Variants in CSMD1 observed in about 807,000 individuals in gnomAD.
CSMD1 encodes the protein CUB and Sushi multiple domains 1, also known as CUB and sushi domain-containing protein 1.
CSMD1 carries 213 observed loss-of-function variants against 417.5 expected under a neutral mutation model. The ratio of observed to expected loss-of-function variants is 0.51; its 90% confidence interval spans 0.46 to 0.57. CSMD1 has a LOEUF of 0.57. CSMD1 is among the 20% of genes least tolerant of loss of function. The probability of loss-of-function intolerance (pLI) is 0.00; values close to 1 mark genes in which losing one functional copy is unlikely to be tolerated. For synonymous variants in CSMD1, 2,862 were observed against 1,736.8 expected, an observed-to-expected ratio of 1.65 and a Z score of -16.11; for missense variants, 6,923 against 4,529.7, an observed-to-expected ratio of 1.53 and a Z score of -15.17.
At chr8:4,242,172 G>T (rs1033187472) in intron 3 of CSMD1, among the ~76,000 whole-genome samples, 6 of 152,086 alleles carry the variant, frequency 3.9e-5, no homozygotes, top group Non-Finnish European at 8.8e-5. Flanking sequence ...ATCCTTCTCA[G>T]AATGGTATAT....
chr8:3,628,330 C>T (rs1312126123), intron 7 of CSMD1, among the ~76,000 whole-genome samples: 3 of 152,172 alleles, frequency 2.0e-5, no homozygotes, highest in Non-Finnish European at 4.4e-5. Flanking sequence ...AACCATCCTG[C>T]CTGCCCACAC....
chr8:4,092,462 T>C (rs1800771362), intron 3 of CSMD1, among the ~76,000 whole-genome samples: 1 of 152,220 alleles, frequency 6.6e-6, no homozygotes, highest in Non-Finnish European at 1.5e-5. Context: ...GACACTCTTA[T>C]CTTTGGTAAA....
chr8:3,600,252 T>G (rs147992964), intron 8 of CSMD1, among the ~76,000 whole-genome samples: 8 of 152,300 alleles, frequency 5.3e-5, no homozygotes, highest in African/African-American at 1.9e-4. Flanking sequence ...TTAGTATAAA[T>G]AGGAAGCTTA....
intron 1 of CSMD1, among the ~76,000 whole-genome samples, chr8:4,955,356 T>A (rs529346311): frequency 6.6e-6 from 1 of 152,296 alleles, no homozygotes; most frequent in Admixed American, 6.5e-5. Context: ...ATGCATTTTA[T>A]GACTTTTTAT....
At chr8:3,434,226 T>C (rs1814407385) in intron 12 of CSMD1, among the ~76,000 whole-genome samples, 1 of 152,218 alleles carries the variant, frequency 6.6e-6, no homozygotes, top group Admixed American at 6.5e-5. Flanking sequence ...TTCAGAATAT[T>C]ACCTCTGTAA....
At chr8:3,286,449 T>G (rs1236589811) in intron 25 of CSMD1, among the ~76,000 whole-genome samples, 1 of 152,162 alleles carries the variant, frequency 6.6e-6, no homozygotes, top group Non-Finnish European at 1.5e-5. Flanking sequence ...ACCAAGAGTG[T>G]GAAAGTGTTC....
At chr8:3,886,533 C>A (rs1437029540) in intron 5 of CSMD1, among the ~76,000 whole-genome samples, 1 of 152,178 alleles carries the variant, frequency 6.6e-6, no homozygotes, top group Non-Finnish European at 1.5e-5. Flanking sequence ...TGAAAGCAGG[C>A]CATGGACAGC....
At chr8:3,690,476 T>C (rs1800180099) in intron 7 of CSMD1, among the ~76,000 whole-genome samples, 1 of 152,246 alleles carries the variant, frequency 6.6e-6, no homozygotes, top group Non-Finnish European at 1.5e-5. Flanking sequence ...CTTCTCAACA[T>C]GTGGGGCAAT....
intron 8 of CSMD1, among the ~76,000 whole-genome samples, chr8:3,603,349 C>A (rs534384174): frequency 6.6e-6 from 1 of 152,188 alleles, no homozygotes; most frequent in East Asian, 1.9e-4. Context: ...TGTGAAAACA[C>A]TTTGGACAAT....
intron 26 of CSMD1, among the ~76,000 whole-genome samples, chr8:3,254,547 C>T (rs1472634869): frequency 6.6e-6 from 1 of 152,144 alleles, no homozygotes; most frequent in Non-Finnish European, 1.5e-5. Flanking sequence ...CACATAGTCC[C>T]ATATTTCTTG....
At chr8:4,079,983 A>C (rs541166482) in intron 3 of CSMD1, among the ~76,000 whole-genome samples, 4 of 151,754 alleles carry the variant, frequency 2.6e-5, no homozygotes, top group Admixed American at 1.3e-4. Context: ...AGATTAAGAA[A>C]ATTATGTTCG....
At chr8:4,532,802 C>A (rs1796899254) in intron 2 of CSMD1, among the ~76,000 whole-genome samples, 1 of 149,686 alleles carries the variant, frequency 6.7e-6, no homozygotes, top group South Asian at 2.1e-4. Context: ...ATCAGTCACT[C>A]CGGAAGAGAA....
At position 4,318,054 on chromosome 8, in the gene CSMD1, G is replaced by A. The variant is rs78131164; in HGVS notation, c.415+101899C>T. Among the ~76,000 whole-genome samples, 862 of 152,184 alleles carry A rather than the reference G, an allele frequency of 5.7e-3. 24 individuals carry two copies. The East Asian group carries it at 0.082, about 14-fold the overall frequency. On this transcript the variant is annotated intron_variant, in intron 3 of 69. Transcript: ENST00000635120. The stretch of plus-strand genomic sequence containing the variant: ...TAGCAATATATAAAATTGTGCGTTC[G>A]TTTTTTCTCACGTAAGTGTGACATT...
intron 12 of CSMD1, among the ~76,000 whole-genome samples, chr8:3,411,794 A>G (rs1032185018): frequency 8.5e-6 from 1 of 118,118 alleles, no homozygotes; most frequent in Non-Finnish European, 1.7e-5. Context: ...GTATATATAC[A>G]CGTATATATA....
intron 5 of CSMD1, among the ~76,000 whole-genome samples, chr8:3,791,106 A>G (rs2129067602): frequency 6.6e-6 from 1 of 152,278 alleles, no homozygotes; most frequent in South Asian, 2.1e-4. Flanking sequence ...GTGATGGAAC[A>G]CTTTATAACT....
chr8:4,596,225 T>G (rs1481882805), intron 2 of CSMD1, among the ~76,000 whole-genome samples: 1 of 151,906 alleles, frequency 6.6e-6, no homozygotes, highest in Non-Finnish European at 1.5e-5. Context: ...CTTGATAGGT[T>G]AAAAAAAATC....
chr8:2,962,636 A>T lies in CSMD1; in HGVS notation c.9458T>A (p.Val3153Glu), dbSNP rs1310753710. The stretch of plus-strand genomic sequence containing the variant: ...GGGGATGCCAGGGTCTCCGCAGAAC[A>T]CAGCTATGGAAGATAACCAGGAAGA... Reference protein sequence around the residue: ...WKGEIPQCLPVFCGDPGIPAE... With the variant: ...WKGEIPQCLPEFCGDPGIPAE... Residue 3153 changes from valine (V) to glutamate (E), a missense_variant, in exon 61 of 70, where the codon GTG becomes GAG. By Grantham distance (121) the Val-to-Glu change is moderately radical. Transcript: ENST00000635120. 1 of 1,613,174 alleles carries T rather than the reference A, an allele frequency of 6.2e-7. No individual in the cohort carries two copies. The highest frequency in any genetic ancestry group is 1.7e-5 in the Admixed American group (1 of 59,970).
At chr8:3,573,521 G>A (rs1800026573) in intron 10 of CSMD1, among the ~76,000 whole-genome samples, 2 of 152,120 alleles carry the variant, frequency 1.3e-5, no homozygotes, top group Non-Finnish European at 2.9e-5. Flanking sequence ...ACGCCCTGGA[G>A]TTTTACCCAG....
intron 1 of CSMD1, among the ~76,000 whole-genome samples, chr8:4,899,241 G>T (rs1197773775): frequency 6.6e-6 from 1 of 152,092 alleles, no homozygotes; most frequent in Non-Finnish European, 1.5e-5. Context: ...GAGAAGTTTT[G>T]GTTGAAATTG....
Sources: allele counts gnomAD v4.1 joint callset (sites outside exome capture counted in the v4.1 genomes callset), GRCh38; gene constraint gnomAD v4.1.1; transcripts MANE v1.5; gene names NCBI Gene and HGNC (gene_info 2026-07-23, HGNC 2026-07-21).